Variants in RAD18 observed in about 807,000 individuals in gnomAD.
The protein encoded by RAD18 is E3 ubiquitin-protein ligase RAD18.
Under a neutral mutation model 60.4 loss-of-function variants are expected in RAD18, and 47 were observed. That is an observed-to-expected ratio of 0.78 (90% confidence interval 0.62 to 0.99). The LOEUF is 0.99. Among genes scored for constraint, RAD18 ranks in the 50% least tolerant of loss-of-function variants. The pLI is 0.00. For synonymous variants in RAD18, 225 were observed against 195.5 expected, an observed-to-expected ratio of 1.15 and a Z score of -1.26; for missense variants, 640 against 593.3, an observed-to-expected ratio of 1.08 and a Z score of -0.82.
intron 9 of RAD18, among the ~76,000 whole-genome samples, chr3:8,905,853 C>A (rs1939993218): frequency 1.3e-5 from 2 of 152,320 alleles, no homozygotes; most frequent in Non-Finnish European, 2.9e-5. Flanking sequence ...TCTTAGTTGG[C>A]CTCACACTAC....
At chr3:8,960,894 C>T (rs1452972128) in intron 1 of RAD18, among the ~76,000 whole-genome samples, 8 of 152,056 alleles carry the variant, frequency 5.3e-5, no homozygotes, top group Non-Finnish European at 1.2e-4. Flanking sequence ...CTACCGTGTA[C>T]ACATATTACA....
intron 2 of RAD18, among the ~76,000 whole-genome samples, chr3:8,949,674 AG>A (rs35685771): frequency 2.0e-5 from 3 of 152,028 alleles, no homozygotes; most frequent in South Asian, 2.1e-4. Context: ...GGAGAGAGAG[AG>A]GGGGGTAATA....
chr3:8,890,390 TATGTG>T lies in RAD18; in HGVS notation c.1379_1383del (p.Ser460Ter). 6.3e-7 allele frequency: 1 copy of T among 1,579,078 alleles called. No individual in the cohort carries two copies. The highest frequency in any genetic ancestry group is 8.7e-7 in the Non-Finnish European group (1 of 1,148,330). On this transcript the variant is annotated frameshift_variant and splice_region_variant, in exon 12 of 13. Transcript: ENST00000264926. LOFTEE classifies it low-confidence loss of function (END_TRUNC). ...TATTTCATGATTATGAGAACTCACT[TATGTG>T]ATGCTTCCCAGGCTTCCTCTTCTTC...
In RAD18 at chr3:8,961,589, T is replaced by C. The variant is rs531502642; in HGVS notation, c.51+1746A>G. On this transcript the variant is annotated intron_variant, in intron 1 of 12. Coordinates refer to ENST00000264926, the MANE Select transcript of RAD18 (RefSeq NM_020165.4). ...AGTCAGATCTGCTTCTGGGATCTGA[T>C]AGTTCTTTGTGCCTGGAAGAGTTCA... Among the ~76,000 whole-genome samples, 8 of 152,352 alleles carry C rather than the reference T, an allele frequency of 5.3e-5. No homozygotes were observed. The East Asian group carries it at 1.4e-3, about 26-fold the overall frequency.
intron 2 of RAD18, among the ~76,000 whole-genome samples, chr3:8,954,460 T>C (rs149849890): frequency 7.1e-4 from 108 of 152,324 alleles, no homozygotes; most frequent in African/African-American, 2.3e-3. Flanking sequence ...GCAAAGAAAA[T>C]TGGCACTTGG....
chr3:8,890,143 C>T lies in RAD18; in HGVS notation c.1385+246G>A. On this transcript the variant is annotated intron_variant, in intron 12 of 12. Transcript: ENST00000264926. ...AAGTGATGCATGACTGTATTAATTG[C>T]CCATAAGAACAATTTATCCATACAG... The T allele has an allele frequency of 8.1e-6, 4 of 495,076 alleles. 1 individual carries two copies. Among genetic ancestry groups the T allele is most frequent in the South Asian group, 4.8e-5 (2 of 41,432 alleles). The allele number at this position is 495,076 out of a possible 1,614,324, so 30.7% of individuals were successfully genotyped here.
chr3:8,941,524 A>G lies in RAD18; in HGVS notation c.547T>C (p.Ser183Pro), dbSNP rs1408356079. The change falls in exon 5 of 13, where the codon TCA (serine) becomes CCA (proline). Residue 183 changes from serine (S) to proline (P), a missense_variant. By Grantham distance (74) the Ser-to-Pro change is moderately conservative. Coordinates refer to ENST00000264926, the MANE Select transcript of RAD18 (RefSeq NM_020165.4). Reference protein sequence around the residue: ...RSVEEIAPDPSEAKRPEPPST... With the variant: ...RSVEEIAPDPPEAKRPEPPST... ...GGTGGCTCAGGACGCTTAGCCTCTG[A>G]GGGATCTGGAGCGATCTCTTCTACA... The G allele has an allele frequency of 6.2e-7, 1 of 1,614,004 alleles. No homozygotes were observed.
At chr3:8,892,177 C>A (rs759999950) in intron 11 of RAD18, among the ~76,000 whole-genome samples, 8 of 152,138 alleles carry the variant, frequency 5.3e-5, no homozygotes, top group African/African-American at 1.2e-4. Context: ...CATATACAAG[C>A]CTACACAACT....
chr3:8,888,917 T>TA (rs1939632000), intron 12 of RAD18, among the ~76,000 whole-genome samples: 3 of 152,210 alleles, frequency 2.0e-5, no homozygotes, highest in Admixed American at 6.5e-5. Context: ...TCTGGGCTCA[T>TA]AGTCACTGGT....
rs374885394 is a variant in RAD18 at position 8,941,761 on chromosome 3, G to C, written c.310C>G (p.Pro104Ala). Residue 104 changes from proline to alanine, a missense_variant, in exon 5 of 13, where the codon CCT becomes GCT. Coordinates refer to ENST00000264926, the MANE Select transcript of RAD18 (RefSeq NM_020165.4). ...AGATTCTTTGAAGAGGAAGAAGCAG[G>C]AGATTTGGCTGGTGACTCTAAAGCA... is the stretch of plus-strand genomic sequence containing the variant. Reference protein sequence around the residue: ...QFALESPAKSPASSSSKNLAV... With the variant: ...QFALESPAKSAASSSSKNLAV... The C allele has an allele frequency of 1.9e-5, 31 of 1,613,942 alleles. No homozygotes were observed. The Middle Eastern group carries it at 8.2e-4, about 43-fold the overall frequency.
intron 6 of RAD18, among the ~76,000 whole-genome samples, chr3:8,939,178 G>C (rs1225875085): frequency 2.0e-5 from 3 of 152,000 alleles, no homozygotes; most frequent in African/African-American, 7.2e-5. Flanking sequence ...CTAAAGATCA[G>C]AGAAAGGTTT....
intron 12 of RAD18, among the ~76,000 whole-genome samples, chr3:8,882,396 T>A (rs1939482806): frequency 6.6e-6 from 1 of 152,078 alleles, no homozygotes; most frequent in Admixed American, 6.5e-5. Context: ...GTAAATCATC[T>A]CCAGCTGATG....
At chr3:8,918,477 C>A (rs115289883) in intron 7 of RAD18, among the ~76,000 whole-genome samples, 2 of 152,022 alleles carry the variant, frequency 1.3e-5, no homozygotes, top group Non-Finnish European at 2.9e-5. Context: ...CTCATTTCTC[C>A]GCTAAGTACA....
rs113358717 is a variant in RAD18 at position 8,929,623 on chromosome 3, A to T, written c.889+6248T>A. Among the ~76,000 whole-genome samples the T allele has an allele frequency of 1.4e-3, 204 of 147,068 alleles. 1 individual carries two copies. The highest frequency in any genetic ancestry group is 4.8e-3 in the African/African-American group (191 of 39,422). On this transcript the variant is annotated intron_variant, in intron 7 of 12. Transcript: ENST00000264926. ...GACAGACTAACAGGTGTTGGCAAGGACATGGAGCAACTGGAATTAATTTTT... is the reference window on the plus strand; with the variant it reads ...GACAGACTAACAGGTGTTGGCAAGGTCATGGAGCAACTGGAATTAATTTTT...
intron 10 of RAD18, among the ~76,000 whole-genome samples, chr3:8,899,439 C>T (rs902510288): frequency 6.6e-6 from 1 of 152,046 alleles, no homozygotes; most frequent in Admixed American, 6.5e-5. Flanking sequence ...ATAAGACAAC[C>T]ACAATATTTG....
chr3:8,895,552 A>G (rs554196980), intron 11 of RAD18, among the ~76,000 whole-genome samples: 1 of 152,336 alleles, frequency 6.6e-6, no homozygotes, highest in South Asian at 2.1e-4. Flanking sequence ...ACCAAACTTT[A>G]TTAACCAATT....
At chr3:8,950,104 C>T (rs1340510462) in intron 2 of RAD18, among the ~76,000 whole-genome samples, 2 of 152,134 alleles carry the variant, frequency 1.3e-5, no homozygotes, top group African/African-American at 4.8e-5. Context: ...AATCTCGGCT[C>T]AATGCAACCT....
At chr3:8,899,775 C>CTCATCA (rs1939869388) in intron 10 of RAD18, among the ~76,000 whole-genome samples, 1 of 152,180 alleles carries the variant, frequency 6.6e-6, no homozygotes, top group Non-Finnish European at 1.5e-5. Context: ...GATTCTCCCA[C>CTCATCA]TCATCATGAA....
At chr3:8,893,275 T>C (rs548980252) in intron 11 of RAD18, among the ~76,000 whole-genome samples, 3 of 152,236 alleles carry the variant, frequency 2.0e-5, no homozygotes, top group African/African-American at 7.2e-5. Flanking sequence ...ATCCTGAGGA[T>C]TAAGGATTAC....
Sources: allele counts gnomAD v4.1 joint callset (sites outside exome capture counted in the v4.1 genomes callset), GRCh38; gene constraint gnomAD v4.1.1; transcripts MANE v1.5; gene names NCBI Gene and HGNC (gene_info 2026-07-23, HGNC 2026-07-21).